Variants in ADD2 observed in about 807,000 individuals in gnomAD.
The protein encoded by ADD2 is adducin 2.
In ADD2, 23 loss-of-function variants were observed where a neutral mutation model predicts 83.0. The ratio of observed to expected loss-of-function variants is 0.28; its 90% CI spans 0.20 to 0.39. The LOEUF (loss-of-function observed/expected upper bound fraction) is 0.39, where lower values mean the gene tolerates loss of function less well. Ranked by LOEUF, ADD2 falls within the 10% of genes least tolerant of loss-of-function variation. The pLI, the probability that ADD2 is intolerant of heterozygous loss-of-function variation, is 1.00. For synonymous variants in ADD2, 375 were observed against 375.4 expected (o/e 1.00, Z 0.01); for missense variants, 758 against 944.9 (o/e 0.80, Z 2.59).
At chr2:70,709,089 C>G (rs1471318880) in intron 2 of ADD2, among the ~76,000 whole-genome samples, 1 of 152,130 alleles carries the variant, frequency 6.6e-6, no homozygotes, top group African/African-American at 2.4e-5. Flanking sequence ...TAAAATTTTT[C>G]TTTTAACAGG....
intron 1 of ADD2, chr2:70,767,648 C>A: frequency 7.5e-7 from 1 of 1,335,306 alleles, no homozygotes; most frequent in Non-Finnish European, 9.5e-7. Flanking sequence ...CATCCCCAAG[C>A]AGGGGCCAGT....
At chr2:70,756,075 A>G (rs1486076127) in intron 1 of ADD2, among the ~76,000 whole-genome samples, 6 of 84,982 alleles carry the variant, frequency 7.1e-5, no homozygotes, top group African/African-American at 5.8e-4. Flanking sequence ...AAAAAAGAAA[A>G]AAAAAAAAAA....
chr2:70,699,174 G>C, intron 4 of ADD2, among the ~76,000 whole-genome samples: 1 of 152,076 alleles, frequency 6.6e-6, no homozygotes, highest in East Asian at 1.9e-4. Context: ...AGATTTGGGA[G>C]ATAAAAACCA....
rs535963848 is a variant in ADD2 at position 70,724,096 on chromosome 2, T to C, written c.-153-10912A>G. Among the ~76,000 whole-genome samples, 11 of 152,348 alleles carry C rather than the reference T, an allele frequency of 7.2e-5. No individual in the cohort carries two copies. The South Asian group carries it at 1.5e-3, about 20-fold the overall frequency. ...CTTCTTGGATGATGTACACATGACA[T>C]AGGCCTTAAAAGCTGTCTTGTGGAA... On this transcript the variant is annotated intron_variant, in intron 1 of 15. Coordinates refer to ENST00000264436, the MANE Select transcript of ADD2 (RefSeq NM_001617.4).
chr2:70,695,644 A>G, intron 6 of ADD2, 77 bp downstream of exon 6: 2 of 1,378,990 alleles, frequency 1.5e-6, no homozygotes, highest in Non-Finnish European at 2.1e-6. Context: ...CAATTTGGAG[A>G]TGACCTAGCA....
At chr2:70,765,595 C>T (rs368297275) in intron 1 of ADD2, among the ~76,000 whole-genome samples, 15 of 152,182 alleles carry the variant, frequency 9.9e-5, no homozygotes, top group African/African-American at 1.4e-4. Context: ...GAACCTGGCA[C>T]GTAGTAAGTC....
intron 1 of ADD2, among the ~76,000 whole-genome samples, chr2:70,719,209 G>A (rs1268398181): frequency 6.6e-6 from 1 of 152,158 alleles, no homozygotes; most frequent in East Asian, 1.9e-4. Context: ...CTGCAGTGTG[G>A]GTACAGCCAC....
chr2:70,688,270 C>G (rs1282219726), intron 8 of ADD2, 148 bp from the exon 9 acceptor site: 2 of 574,156 alleles, frequency 3.5e-6, no homozygotes, highest in East Asian at 3.0e-5. Flanking sequence ...TCAAATACCC[C>G]AAAGCTACCC....
intron 1 of ADD2, among the ~76,000 whole-genome samples, chr2:70,736,093 C>T (rs1553380117): frequency 6.6e-6 from 1 of 152,000 alleles, no homozygotes; most frequent in Non-Finnish European, 1.5e-5. Context: ...GGAAGAAGCC[C>T]TATACTCAAA....
intron 13 of ADD2, chr2:70,675,784 C>T: frequency 1.0e-6 from 1 of 985,328 alleles, no homozygotes; most frequent in Non-Finnish European, 1.2e-6. Context: ...ACCGAGAATC[C>T]AAGACCAAAA....
intron 1 of ADD2, among the ~76,000 whole-genome samples, chr2:70,751,775 T>C (rs1321897186): frequency 6.6e-6 from 1 of 152,214 alleles, no homozygotes; most frequent in African/African-American, 2.4e-5. Context: ...TCATTTATCA[T>C]CATACACTGT....
chr2:70,676,447 T>A lies in ADD2; in HGVS notation c.1593+349A>T. 4 of 1,244,534 alleles carry A rather than the reference T, an allele frequency of 3.2e-6. No homozygotes were observed. Among genetic ancestry groups the A allele is most frequent in the Middle Eastern group, 3.1e-4 (1 of 3,206 alleles). 77.1% of individuals were successfully genotyped at this position (1,244,534 alleles called of 1,614,324 possible). A position where few individuals can be genotyped will look rare whatever the true frequency, so the allele number is the denominator to read the frequency against. On this transcript the variant is annotated intron_variant, in intron 13 of 15. Coordinates refer to ENST00000264436, the MANE Select transcript of ADD2 (RefSeq NM_001617.4). The surrounding 1 kb of genome is among the most constrained non-coding windows in gnomAD (Gnocchi z 4.8). ...CAGGGCTGGGCACACCTGGGGCACC[T>A]GGGAGTCTCCAGCCCCAAGCCTATG...
chr2:70,675,262 A>G, intron 13 of ADD2: 4 of 1,004,260 alleles, frequency 4.0e-6, no homozygotes, highest in Non-Finnish European at 4.8e-6. Context: ...CCGCCCCCAC[A>G]GCAGTGCAAG....
intron 8 of ADD2, among the ~76,000 whole-genome samples, chr2:70,689,984 G>A (rs1311644526): frequency 6.6e-6 from 1 of 152,166 alleles, no homozygotes; most frequent in South Asian, 2.1e-4. Flanking sequence ...GTTCTAGCCC[G>A]TGCAGCCCTA....
intron 1 of ADD2, among the ~76,000 whole-genome samples, chr2:70,752,637 A>C (rs1553383126): frequency 6.6e-6 from 1 of 152,220 alleles, no homozygotes; most frequent in Non-Finnish European, 1.5e-5. Flanking sequence ...TGGCTTGTGC[A>C]ACTGGGATGA....
intron 15 of ADD2, among the ~76,000 whole-genome samples, chr2:70,672,543 C>A (rs1328810079): frequency 6.6e-6 from 1 of 152,168 alleles, no homozygotes; most frequent in African/African-American, 2.4e-5. Context: ...TCACAAGATC[C>A]CCAGGTGGTA....
intron 4 of ADD2, among the ~76,000 whole-genome samples, chr2:70,698,569 G>A (rs1443529423): frequency 1.3e-5 from 2 of 152,140 alleles, no homozygotes; most frequent in African/African-American, 2.4e-5. Flanking sequence ...AAGAAAAGAC[G>A]TGGAATGCTC....
At chr2:70,734,682 G>T (rs1211960846) in intron 1 of ADD2, among the ~76,000 whole-genome samples, 11 of 152,176 alleles carry the variant, frequency 7.2e-5, no homozygotes, top group African/African-American at 2.7e-4. Context: ...GGAAGAGGGT[G>T]GGCATGAAAT....
At chr2:70,760,620 G>A (rs1248431732) in intron 1 of ADD2, 4 of 152,174 alleles carry the variant, frequency 2.6e-5, no homozygotes, top group Admixed American at 1.3e-4. Flanking sequence ...AAAGGAAGGT[G>A]AGTTGTTACC....
Sources: allele counts gnomAD v4.1 joint callset (sites outside exome capture counted in the v4.1 genomes callset), GRCh38; gene constraint gnomAD v4.1.1; non-coding constraint Gnocchi (gnomAD v3.1); transcripts MANE v1.5; gene names NCBI Gene and HGNC (gene_info 2026-07-23, HGNC 2026-07-21).